DGKB: variants seen among roughly 807,000 people sequenced by gnomAD.
DGKB encodes diacylglycerol kinase beta.
In DGKB, 67 loss-of-function variants were observed where a neutral mutation model predicts 114.3. The observed-to-expected ratio is 0.59, with a 90% CI of 0.48 to 0.72. DGKB has a LOEUF of 0.72. Ranked by LOEUF, DGKB falls within the 30% of genes least tolerant of loss-of-function variation. DGKB has a pLI of 0.00. For synonymous variants in DGKB, 398 were observed against 323.1 expected, an observed-to-expected ratio of 1.23 and a Z score of -2.49; for missense variants, 907 against 975.2, an observed-to-expected ratio of 0.93 and a Z score of 0.93.
At chr7:14,836,081 T>G (rs1304937738) in intron 2 of DGKB, among the ~76,000 whole-genome samples, 1 of 152,168 alleles carries the variant, frequency 6.6e-6, no homozygotes, top group Non-Finnish European at 1.5e-5. Flanking sequence ...TCAGGTAGTT[T>G]ATGTTACATT....
intron 13 of DGKB, among the ~76,000 whole-genome samples, chr7:14,653,845 T>TAA (rs1815188261): frequency 6.6e-6 from 1 of 151,970 alleles, no homozygotes; most frequent in Non-Finnish European, 1.5e-5. Context: ...TTCTTCATCA[T>TAA]AAAGTCTCTC....
chr7:14,771,659 C>G (rs928547504), intron 2 of DGKB, among the ~76,000 whole-genome samples: 10 of 151,970 alleles, frequency 6.6e-5, no homozygotes, highest in African/African-American at 2.4e-4. Flanking sequence ...ACTTTCCAGT[C>G]TGATTCTGGC....
chr7:14,925,874 C>CCA (rs371354780), intron 1 of DGKB, among the ~76,000 whole-genome samples: 1 of 148,184 alleles, frequency 6.7e-6, no homozygotes, highest in African/African-American at 2.4e-5. Flanking sequence ...GTCCCCCCCC[C>CCA]ACTTCCAGTA....
At chr7:14,811,816 C>T (rs1843479810) in intron 2 of DGKB, among the ~76,000 whole-genome samples, 1 of 76,434 alleles carries the variant, frequency 1.3e-5, no homozygotes, top group Non-Finnish European at 2.3e-5. Context: ...ACACACACAA[C>T]CATTTTTAAG....
At chr7:14,232,324 G>T (rs1305602702) in intron 23 of DGKB, among the ~76,000 whole-genome samples, 1 of 150,816 alleles carries the variant, frequency 6.6e-6, no homozygotes, top group Non-Finnish European at 1.5e-5. Context: ...TTAGGCAAAA[G>T]GCTGCCCTGC....
In DGKB at chr7:14,564,764, C is replaced by T. The variant is rs534829006; in HGVS notation, c.1770+9448G>A. Among the ~76,000 whole-genome samples, 519 of 150,420 alleles carry T rather than the reference C, an allele frequency of 3.5e-3. 2 individuals are homozygous for T. Among genetic ancestry groups the T allele is most frequent in the African/African-American group, 0.012 (476 of 40,992 alleles). On this transcript the variant is annotated intron_variant, in intron 20 of 25. Coordinates refer to ENST00000402815, the MANE Select transcript of DGKB (RefSeq NM_001350709.2). ...CATTCTTTTCTTAATCTTTTTTTTT[C>T]TTTTTTGCTTACCTGAACATTATAT...
At chr7:14,617,302 T>G (rs1806727294) in intron 15 of DGKB, among the ~76,000 whole-genome samples, 1 of 151,728 alleles carries the variant, frequency 6.6e-6, no homozygotes, top group Admixed American at 6.6e-5. Context: ...CAATGGCAAT[T>G]TCATCATTTC....
At chr7:14,288,099 G>T (rs1258281248) in intron 23 of DGKB, among the ~76,000 whole-genome samples, 3 of 151,880 alleles carry the variant, frequency 2.0e-5, no homozygotes, top group Non-Finnish European at 4.4e-5. Context: ...TAGAAGCAAT[G>T]GCAAGTAGTA....
intron 20 of DGKB, among the ~76,000 whole-genome samples, chr7:14,538,758 A>C (rs905982735): frequency 2.0e-5 from 3 of 152,186 alleles, no homozygotes; most frequent in Non-Finnish European, 2.9e-5. Context: ...TGAATGGATA[A>C]AGAAAATTTG....
chr7:14,522,358 C>T (rs147715640), intron 20 of DGKB, among the ~76,000 whole-genome samples: 149 of 152,198 alleles, frequency 9.8e-4, no homozygotes, highest in African/African-American at 2.9e-3. Context: ...GAGATATATG[C>T]GGCGTTTATC....
chr7:14,830,966 G>C (rs970854088), intron 2 of DGKB, among the ~76,000 whole-genome samples: 3 of 151,764 alleles, frequency 2.0e-5, no homozygotes, highest in Non-Finnish European at 4.4e-5. Flanking sequence ...TGTGTGTTAA[G>C]AGACTTAGTT....
intron 23 of DGKB, among the ~76,000 whole-genome samples, chr7:14,228,553 C>G (rs1208876336): frequency 6.6e-6 from 1 of 151,972 alleles, no homozygotes; most frequent in Admixed American, 6.6e-5. Flanking sequence ...CGCACACACA[C>G]TCACACACAC....
At chr7:14,967,418 T>A (rs1787217689) in intron 1 of DGKB, among the ~76,000 whole-genome samples, 1 of 151,996 alleles carries the variant, frequency 6.6e-6, no homozygotes, top group Non-Finnish European at 1.5e-5. Context: ...CCTCCTGAGT[T>A]CAAGCAATTC....
At chr7:14,917,849 T>C (rs1784315837) in intron 1 of DGKB, among the ~76,000 whole-genome samples, 1 of 152,000 alleles carries the variant, frequency 6.6e-6, no homozygotes, top group South Asian at 2.1e-4. Flanking sequence ...TCATAAATGA[T>C]CCTCAACCAA....
intron 23 of DGKB, among the ~76,000 whole-genome samples, chr7:14,225,480 C>T (rs1050132461): frequency 1.5e-4 from 23 of 152,086 alleles, no homozygotes; most frequent in African/African-American, 5.3e-4. Context: ...ATCAGTTTCA[C>T]CAAGGAGTGG....
intron 23 of DGKB, among the ~76,000 whole-genome samples, chr7:14,278,105 T>G (rs527613501): frequency 6.6e-6 from 1 of 152,170 alleles, no homozygotes; most frequent in East Asian, 1.9e-4. Context: ...GCAATTCCTA[T>G]GAAAATCCCA....
At chr7:14,785,524 T>A (rs1395125320) in intron 2 of DGKB, among the ~76,000 whole-genome samples, 3 of 151,974 alleles carry the variant, frequency 2.0e-5, no homozygotes, top group Non-Finnish European at 2.9e-5. Flanking sequence ...TTAAATTAAA[T>A]TATATCCATT....
intron 5 of DGKB, among the ~76,000 whole-genome samples, chr7:14,720,582 A>T (rs1030145469): frequency 6.6e-6 from 1 of 151,602 alleles, no homozygotes; most frequent in Non-Finnish European, 1.5e-5. Context: ...TGACCTCATG[A>T]TCCATCCACG....
intron 2 of DGKB, chr7:14,816,610 C>T (rs1279305455): frequency 6.6e-6 from 1 of 152,130 alleles, no homozygotes; most frequent in Non-Finnish European, 1.5e-5. Flanking sequence ...TGCCACCTCT[C>T]TAAATCTTAA....
Sources: allele counts gnomAD v4.1 joint callset (sites outside exome capture counted in the v4.1 genomes callset), GRCh38; gene constraint gnomAD v4.1.1; transcripts MANE v1.5; gene names NCBI Gene and HGNC (gene_info 2026-07-23, HGNC 2026-07-21).